Variants in PDE4B observed in about 807,000 individuals in gnomAD.
PDE4B encodes the protein 3',5'-cyclic-AMP phosphodiesterase 4B.
A neutral mutation model predicts 82.2 loss-of-function variants in PDE4B; 20 were observed. The observed-to-expected ratio is 0.24, with a 90% CI of 0.17 to 0.35. The LOEUF is 0.35. PDE4B is among the 10% of genes least tolerant of loss of function. The pLI, the probability that PDE4B is intolerant of heterozygous loss-of-function variation, is 1.00. For missense variants in PDE4B, 655 were observed against 907.2 expected, an observed-to-expected ratio of 0.72 and a Z score of 3.57; for synonymous variants, 320 against 318.9, an observed-to-expected ratio of 1.00 and a Z score of -0.04.
intron 3 of PDE4B, among the ~76,000 whole-genome samples, chr1:66,137,562 T>C (rs1646083435): frequency 6.6e-6 from 1 of 152,170 alleles, no homozygotes. Context: ...ATACCTAACA[T>C]ACAGATCTGG....
intron 3 of PDE4B, among the ~76,000 whole-genome samples, chr1:66,128,643 G>A (rs1427256213): frequency 1.3e-5 from 2 of 152,146 alleles, no homozygotes; most frequent in African/African-American, 2.4e-5. Context: ...GTCTGGCTTT[G>A]CATATCTATT....
At chr1:66,127,410 T>G (rs1645846106) in intron 3 of PDE4B, among the ~76,000 whole-genome samples, 1 of 152,210 alleles carries the variant, frequency 6.6e-6, no homozygotes, top group Non-Finnish European at 1.5e-5. Context: ...ATAAAGGGTA[T>G]ATAATGTTGA....
At chr1:65,922,920 G>C (rs1344208250) in intron 3 of PDE4B, among the ~76,000 whole-genome samples, 1 of 152,104 alleles carries the variant, frequency 6.6e-6, no homozygotes, top group Non-Finnish European at 1.5e-5. Context: ...AAGATATCAG[G>C]AGTATACCAG....
chr1:66,339,865 G>A lies in PDE4B; in HGVS notation c.747+7245G>A, dbSNP rs1182952437. Among the ~76,000 whole-genome samples the A allele has an allele frequency of 2.4e-5, 3 of 125,358 alleles. 1 individual carries two copies. The highest frequency in any genetic ancestry group is 2.4e-4 in the East Asian group (1 of 4,230). 82.2% of individuals were successfully genotyped at this position (125,358 alleles called of 152,430 possible). On this transcript the variant is annotated intron_variant, in intron 8 of 16. Coordinates refer to ENST00000341517, the MANE Select transcript of PDE4B (RefSeq NM_002600.4). Reference sequence around the variant, plus strand: ...TTTTTTTGTTGTTTTTTTTTTTTTAGAATATGTCCGAGTCTAAAAGGCTCC... The same window carrying A: ...TTTTTTTGTTGTTTTTTTTTTTTTAAAATATGTCCGAGTCTAAAAGGCTCC...
At chr1:65,921,177 C>T (rs1430955184) in intron 3 of PDE4B, among the ~76,000 whole-genome samples, 1 of 151,314 alleles carries the variant, frequency 6.6e-6, no homozygotes, top group African/African-American at 2.4e-5. Context: ...ACCGTTTTAG[C>T]CGGGATGGTC....
At chr1:66,275,961 A>G (rs1388641793) in intron 7 of PDE4B, among the ~76,000 whole-genome samples, 2 of 152,178 alleles carry the variant, frequency 1.3e-5, no homozygotes, top group Non-Finnish European at 2.9e-5. Flanking sequence ...CCACAGAGTA[A>G]GCTGGGACCA....
chr1:65,955,048 C>T (rs940184507), intron 3 of PDE4B, among the ~76,000 whole-genome samples: 11 of 151,992 alleles, frequency 7.2e-5, no homozygotes, highest in Non-Finnish European at 8.8e-5. Flanking sequence ...CAAACAAGAA[C>T]ACAGAGACAT....
chr1:66,273,182 T>C (rs1446151778), intron 7 of PDE4B, among the ~76,000 whole-genome samples: 1 of 152,232 alleles, frequency 6.6e-6, no homozygotes, highest in East Asian at 1.9e-4. Context: ...TCTCTTTCTT[T>C]GTCCTCATCT....
At chr1:66,168,515 G>A (rs1054214051) in intron 3 of PDE4B, among the ~76,000 whole-genome samples, 7 of 152,130 alleles carry the variant, frequency 4.6e-5, no homozygotes, top group African/African-American at 1.7e-4. Context: ...AAATTCCAGA[G>A]GCAGGAGCAT....
intron 1 of PDE4B, among the ~76,000 whole-genome samples, chr1:65,843,356 T>A (rs906804382): frequency 2.6e-5 from 4 of 152,132 alleles, no homozygotes; most frequent in African/African-American, 9.7e-5. Flanking sequence ...ATTTGGAGCC[T>A]GGATACTCCA....
chr1:66,372,428 G>A lies in PDE4B; in HGVS notation c.1961G>A (p.Ser654Asn). 6.2e-7 allele frequency: 1 copy of A among 1,614,026 alleles called. No homozygotes were observed. Among genetic ancestry groups the A allele is most frequent in the Non-Finnish European group, 8.5e-7 (1 of 1,179,890 alleles). ...TLEDNRNWYQ[S>N]MIPQSPSPPL... The stretch of plus-strand genomic sequence containing the variant: ...GAAGATAACAGGAACTGGTATCAGA[G>A]CATGATACCTCAAAGTCCCTCACCA... The change falls in exon 17 of 17, where the codon AGC becomes AAC. Residue 654 changes from serine (S) to asparagine (N), a missense_variant. Transcript: ENST00000341517.
At chr1:65,990,952 T>C (rs775267712) in intron 3 of PDE4B, among the ~76,000 whole-genome samples, 7 of 152,190 alleles carry the variant, frequency 4.6e-5, no homozygotes, top group Non-Finnish European at 7.4e-5. Context: ...CCCTTCCTAC[T>C]ATGTTTCAAC....
intron 1 of PDE4B, among the ~76,000 whole-genome samples, chr1:65,911,960 G>A (rs1647097245): frequency 6.6e-6 from 1 of 151,988 alleles, no homozygotes; most frequent in Non-Finnish European, 1.5e-5. Flanking sequence ...ATTTCATCAT[G>A]CTGTTAATCT....
chr1:66,239,406 T>C (rs1307593294), intron 3 of PDE4B, among the ~76,000 whole-genome samples: 2 of 152,168 alleles, frequency 1.3e-5, no homozygotes, highest in Admixed American at 6.5e-5. Context: ...AGAATTACAG[T>C]TTTATAAAAA....
Position 66,175,656 on chromosome 1 carries a change from G to A in PDE4B, c.282-71804G>A, listed in dbSNP as rs376702174. 1.6e-4 allele frequency among the ~76,000 whole-genome samples: 25 copies of A among 152,292 alleles called. 1 individual carries two copies. In the East Asian group the frequency reaches 3.7e-3, roughly 22 times the overall value. On this transcript the variant is annotated intron_variant, in intron 3 of 16. Coordinates refer to ENST00000341517, the MANE Select transcript of PDE4B (RefSeq NM_002600.4). The stretch of plus-strand genomic sequence containing the variant: ...TCTCTTGAGATGTGAGCCTTAGCAC[G>A]TGCAGTGTGAGTGAAATGCCTGTAC...
chr1:66,329,407 GA>G (rs1379808595), intron 7 of PDE4B, among the ~76,000 whole-genome samples: 4 of 152,102 alleles, frequency 2.6e-5, no homozygotes, highest in Non-Finnish European at 4.4e-5. Context: ...GAATGCAGAA[GA>G]AAGGAAAAAA....
intron 3 of PDE4B, among the ~76,000 whole-genome samples, chr1:66,021,829 T>C (rs1349128170): frequency 6.6e-6 from 1 of 152,312 alleles, no homozygotes; most frequent in East Asian, 1.9e-4. Flanking sequence ...TTTAAAGTAG[T>C]TTTTTCCAAT....
chr1:66,335,314 G>T (rs1660435985), intron 8 of PDE4B, among the ~76,000 whole-genome samples: 1 of 152,204 alleles, frequency 6.6e-6, no homozygotes, highest in Admixed American at 6.5e-5. Flanking sequence ...CTGATCTTAA[G>T]AACAGCGATA....
At chr1:65,883,594 A>G (rs527909859) in intron 1 of PDE4B, among the ~76,000 whole-genome samples, 61 of 152,124 alleles carry the variant, frequency 4.0e-4, no homozygotes, top group African/African-American at 6.0e-4. Context: ...CAATCATGTC[A>G]TCTGCAAACA....
Sources: gnomAD v4.1 joint callset for allele counts (sites outside exome capture counted in the v4.1 genomes callset) on GRCh38, gnomAD v4.1.1 for gene constraint, MANE v1.5 for transcripts, NCBI Gene and HGNC (gene_info 2026-07-23, HGNC 2026-07-21) for gene names.